ZFP14: variants seen among roughly 807,000 people sequenced by gnomAD.
ZFP14 encodes zinc finger protein 14 homolog.
A neutral mutation model predicts 54.5 loss-of-function variants in ZFP14; 22 were observed. That is an observed-to-expected ratio of 0.40 (90% CI 0.29 to 0.58). ZFP14 has a LOEUF of 0.58. Ranked by LOEUF, ZFP14 falls within the 20% of genes least tolerant of loss-of-function variation. ZFP14 has a pLI of 0.39. For synonymous variants in ZFP14, 159 were observed against 204.0 expected, an observed-to-expected ratio of 0.78 and a Z score of 1.88; for missense variants, 470 against 637.8, an observed-to-expected ratio of 0.74 and a Z score of 2.83.
rs1053306999 is a variant in ZFP14 at position 36,359,006 on chromosome 19, G to A, written c.235+1429C>T. Among the ~76,000 whole-genome samples the A allele has an allele frequency of 2.6e-5, 4 of 152,090 alleles. No homozygotes were observed. The East Asian group carries it at 5.8e-4, about 22-fold the overall frequency. ...GCCATTTGATGCCCTGCAAAGCCTC[G>A]GAATTCAGCAGAGTCCCCACCAGCA... On this transcript the variant is annotated intron_variant, in intron 4 of 4. Coordinates refer to ENST00000270001, the MANE Select transcript of ZFP14 (RefSeq NM_020917.3).
rs1172460370 is a variant in ZFP14 at position 36,336,648 on chromosome 19, G to T, written c.*3576C>A. On this transcript the variant is annotated 3_prime_UTR_variant, in exon 5 of 5. Coordinates refer to ENST00000270001, the MANE Select transcript of ZFP14 (RefSeq NM_020917.3). ...TCATCTGTGTGACAGGCCTGGTGTT[G>T]CTGCTGTGGGTAAGTGAAGAAGATG... 3.3e-5 allele frequency: 5 copies of T among 152,164 alleles called. No homozygotes were observed. Among genetic ancestry groups the T allele is most frequent in the African/African-American group, 1.2e-4 (5 of 41,440 alleles). The allele number at this position is 152,164 out of a possible 1,614,324, so 9.4% of individuals were successfully genotyped here.
At chr19:36,375,883 G>C (rs771900858) in intron 1 of ZFP14, among the ~76,000 whole-genome samples, 45 of 151,452 alleles carry the variant, frequency 3.0e-4, no homozygotes, top group Non-Finnish European at 4.7e-4. Flanking sequence ...AGTAGAGATG[G>C]GGTTTCGCCA....
At chr19:36,363,689 T>C (rs1171521522) in intron 2 of ZFP14, among the ~76,000 whole-genome samples, 1 of 151,658 alleles carries the variant, frequency 6.6e-6, no homozygotes, top group African/African-American at 2.4e-5. Context: ...AGACTCCCCA[T>C]CAAAATGTCA....
rs1001582113 is a variant in ZFP14, at chr19:36,340,056, T to C, written c.*168A>G. On this transcript the variant is annotated 3_prime_UTR_variant, in exon 5 of 5. Coordinates refer to ENST00000270001, the MANE Select transcript of ZFP14 (RefSeq NM_020917.3). This position sits in a 1 kb window ranked among gnomAD's most constrained non-coding sequence, Gnocchi z 5.4. ...CATTACATTATTCTCTCATAGGAAT[T>C]TGCTGAAGATAAACCATGTTTAAAT... 1.1e-5 allele frequency: 7 copies of C among 621,952 alleles called. No individual in the cohort carries two copies. Among genetic ancestry groups the C allele is most frequent in the African/African-American group, 1.9e-5 (1 of 53,406 alleles). 38.5% of individuals were successfully genotyped at this position (621,952 alleles called of 1,614,324 possible).
At position 36,337,738 on chromosome 19, in the gene ZFP14, T is replaced by C. The variant is rs575254802; in HGVS notation, c.*2486A>G. ...TGTAGATGGTGGTGTGGACTTCCTA[T>C]TGCATTACGTCAGGAAGTGTGTTGT... On this transcript the variant is annotated 3_prime_UTR_variant, in exon 5 of 5. Transcript: ENST00000270001. 6 of 152,320 alleles carry C rather than the reference T, an allele frequency of 3.9e-5. No individual in the cohort carries two copies. The highest frequency in any genetic ancestry group is 9.6e-5 in the African/African-American group (4 of 41,558). The allele number at this position is 152,320 out of a possible 1,614,324, so 9.4% of individuals were successfully genotyped here.
At chr19:36,355,738 C>T (rs2031602694) in intron 4 of ZFP14, among the ~76,000 whole-genome samples, 1 of 141,038 alleles carries the variant, frequency 7.1e-6, no homozygotes, top group Non-Finnish European at 1.6e-5. Flanking sequence ...CTCTCTGTGT[C>T]ATATGAGGAC....
chr19:36,343,712 G>A (rs1272468990), intron 4 of ZFP14, among the ~76,000 whole-genome samples: 1 of 152,158 alleles, frequency 6.6e-6, no homozygotes. Flanking sequence ...GAACTCCAAA[G>A]TTGAGGGACT....
At chr19:36,346,525 T>C (rs1177365508) in intron 4 of ZFP14, among the ~76,000 whole-genome samples, 1 of 151,984 alleles carries the variant, frequency 6.6e-6, no homozygotes, top group Non-Finnish European at 1.5e-5. Flanking sequence ...TGGCGCAGTC[T>C]CAGCTCACTG....
chr19:36,351,951 A>C (rs2031532861), intron 4 of ZFP14, among the ~76,000 whole-genome samples: 1 of 143,650 alleles, frequency 7.0e-6, no homozygotes, highest in African/African-American at 2.6e-5. Context: ...TGGGAGGCCG[A>C]GGCGGGTGGA....
At chr19:36,359,271 T>C (rs2031670546) in intron 4 of ZFP14, among the ~76,000 whole-genome samples, 1 of 152,210 alleles carries the variant, frequency 6.6e-6, no homozygotes, top group African/African-American at 2.4e-5. Flanking sequence ...GATTTGTTAA[T>C]ATTTTATTAA....
At chr19:36,375,248 A>T (rs2031941877) in intron 1 of ZFP14, among the ~76,000 whole-genome samples, 1 of 152,198 alleles carries the variant, frequency 6.6e-6, no homozygotes, top group South Asian at 2.1e-4. Context: ...TAAGGCATAC[A>T]TCTGTATGAA....
intron 4 of ZFP14, among the ~76,000 whole-genome samples, chr19:36,351,430 C>A (rs1208676843): frequency 7.1e-6 from 1 of 141,454 alleles, no homozygotes; most frequent in Non-Finnish European, 1.6e-5. Context: ...ACCCAGGAGG[C>A]AGAGGTTGCA....
chr19:36,359,088 G>A (rs1346242681), intron 4 of ZFP14, among the ~76,000 whole-genome samples: 3 of 152,164 alleles, frequency 2.0e-5, no homozygotes, highest in African/African-American at 4.8e-5. Context: ...CTCCAAAACG[G>A]TAAGAAATAA....
At chr19:36,359,614 G>A (rs2031676413) in intron 4 of ZFP14, among the ~76,000 whole-genome samples, 1 of 151,950 alleles carries the variant, frequency 6.6e-6, no homozygotes, top group Non-Finnish European at 1.5e-5. Flanking sequence ...CAAATTTATT[G>A]GCATAAAGTA....
At position 36,335,238 on chromosome 19, in the gene ZFP14, C is replaced by T. The variant is rs1332421911; in HGVS notation, c.*4986G>A. On this transcript the variant is annotated 3_prime_UTR_variant, in exon 5 of 5. Coordinates refer to ENST00000270001, the MANE Select transcript of ZFP14 (RefSeq NM_020917.3). Reference sequence around the variant, plus strand: ...TCCCAAGAAATCTTTTTTTCAAATACCATCGAGAATTAATATTCCTTGAAG... The same window carrying T: ...TCCCAAGAAATCTTTTTTTCAAATATCATCGAGAATTAATATTCCTTGAAG... The T allele has an allele frequency of 6.6e-6, 1 of 152,012 alleles. No individual in the cohort carries two copies. Among genetic ancestry groups the T allele is most frequent in the Non-Finnish European group, 1.5e-5 (1 of 68,006 alleles). The allele number at this position is 152,012 out of a possible 1,614,324, so 9.4% of individuals were successfully genotyped here.
chr19:36,366,417 C>G (rs1286116482), intron 2 of ZFP14, among the ~76,000 whole-genome samples: 2 of 152,300 alleles, frequency 1.3e-5, no homozygotes, highest in East Asian at 3.9e-4. Context: ...CTCCCGAGCT[C>G]TAGTCATTCG....
rs537575333 is a variant in ZFP14, at chr19:36,343,551, T to C, written c.236-1961A>G. The stretch of plus-strand genomic sequence containing the variant: ...GTCCTGCTGGCCCTATTTAAGTCTA[T>C]GCACTTTACGCTTGTCTTACTCCAT... On this transcript the variant is annotated intron_variant, in intron 4 of 4. Transcript: ENST00000270001. 4.6e-5 allele frequency among the ~76,000 whole-genome samples: 7 copies of C among 152,364 alleles called. No homozygotes were observed. The South Asian group carries it at 1.2e-3, about 27-fold the overall frequency.
chr19:36,377,329 T>C (rs2031978271), intron 1 of ZFP14, among the ~76,000 whole-genome samples: 1 of 151,984 alleles, frequency 6.6e-6, no homozygotes. Flanking sequence ...GTGGAAGAAT[T>C]CCTTGACTCC....
intron 4 of ZFP14, among the ~76,000 whole-genome samples, chr19:36,356,493 C>T (rs2031616252): frequency 6.6e-6 from 1 of 151,934 alleles, no homozygotes; most frequent in Admixed American, 6.6e-5. Flanking sequence ...TTCACCAGTT[C>T]TATGTGCACT....
Sources: gnomAD v4.1 joint callset for allele counts (sites outside exome capture counted in the v4.1 genomes callset) on GRCh38, gnomAD v4.1.1 for gene constraint, Gnocchi (gnomAD v3.1) non-coding constraint, MANE v1.5 for transcripts, NCBI Gene and HGNC (gene_info 2026-07-23, HGNC 2026-07-21) for gene names.